MAGI2: variants seen among roughly 807,000 people sequenced by gnomAD.
MAGI2 encodes the protein membrane associated guanylate kinase, WW and PDZ domain containing 2, also known as membrane-associated guanylate kinase, WW and PDZ domain-containing protein 2.
A neutral mutation model predicts 133.3 loss-of-function variants in MAGI2; 35 were observed. The observed-to-expected ratio is 0.26, with a 90% CI of 0.20 to 0.35. The LOEUF is 0.35. MAGI2 is among the 10% of genes least tolerant of loss of function. MAGI2 has a pLI of 1.00. For synonymous variants in MAGI2, 729 were observed against 710.6 expected, an observed-to-expected ratio of 1.03 and a Z score of -0.41; for missense variants, 1,636 against 1,863.4, an observed-to-expected ratio of 0.88 and a Z score of 2.25.
intron 21 of MAGI2, among the ~76,000 whole-genome samples, chr7:78,031,525 G>A (rs1427029821): frequency 2.0e-5 from 3 of 152,272 alleles, no homozygotes; most frequent in African/African-American, 7.2e-5. Flanking sequence ...GGCTCAAGAT[G>A]AGCCTTAGCC....
chr7:78,896,767 C>T (rs1295895080), intron 2 of MAGI2, among the ~76,000 whole-genome samples: 3 of 151,852 alleles, frequency 2.0e-5, no homozygotes, highest in African/African-American at 7.3e-5. Context: ...AGGGGTTTCA[C>T]CTGCTTTATA....
At chr7:78,030,596 C>T (rs1382815809) in intron 21 of MAGI2, among the ~76,000 whole-genome samples, 2 of 152,014 alleles carry the variant, frequency 1.3e-5, no homozygotes, top group African/African-American at 2.4e-5. Context: ...AGATGATATG[C>T]GGATGGACAA....
At chr7:78,155,589 T>G (rs550851877) in intron 16 of MAGI2, among the ~76,000 whole-genome samples, 1 of 152,174 alleles carries the variant, frequency 6.6e-6, no homozygotes, top group South Asian at 2.1e-4. Context: ...ACCACTGCAC[T>G]CCAGCCTGGG....
In MAGI2 at chr7:78,557,986, T is replaced by A. The variant is rs76428102; in HGVS notation, c.539-36341A>T. Among the ~76,000 whole-genome samples, 226 of 119,040 alleles carry A rather than the reference T, an allele frequency of 1.9e-3. 1 individual carries two copies. The highest frequency in any genetic ancestry group is 7.1e-3 in the African/African-American group (205 of 28,988). 78.1% of individuals were successfully genotyped at this position (119,040 alleles called of 152,430 possible). On this transcript the variant is annotated intron_variant, in intron 3 of 21. Transcript: ENST00000354212. Reference sequence around the variant, plus strand: ...ACTTTATTGGAACTCTTTTTTTTTTTTAAAAAATAGTTGATTGTGTATGTG... The same window carrying A: ...ACTTTATTGGAACTCTTTTTTTTTTATAAAAAATAGTTGATTGTGTATGTG...
chr7:79,323,199 A>T (rs1163615499), intron 1 of MAGI2, among the ~76,000 whole-genome samples: 1 of 152,116 alleles, frequency 6.6e-6, no homozygotes, highest in East Asian at 1.9e-4. Context: ...CCTACTGTAT[A>T]CCAAGTATTG....
chr7:79,299,666 C>T (rs949756898), intron 1 of MAGI2, among the ~76,000 whole-genome samples: 8 of 150,242 alleles, frequency 5.3e-5, no homozygotes, highest in Non-Finnish European at 7.4e-5. Context: ...CAAAAAGATT[C>T]ACTAAAAAAA....
chr7:79,214,591 G>A (rs1032540665), intron 1 of MAGI2, among the ~76,000 whole-genome samples: 2 of 140,670 alleles, frequency 1.4e-5, no homozygotes, highest in South Asian at 2.2e-4. Flanking sequence ...GAGACAGAGA[G>A]AGAGTGCAAA....
At chr7:79,231,352 G>T (rs1831358502) in intron 1 of MAGI2, among the ~76,000 whole-genome samples, 1 of 66,414 alleles carries the variant, frequency 1.5e-5, no homozygotes, top group Non-Finnish European at 3.8e-5. Flanking sequence ...AGCTTGATGG[G>T]GATGGCATTG....
intron 1 of MAGI2, among the ~76,000 whole-genome samples, chr7:79,252,767 A>T (rs1457046610): frequency 2.0e-5 from 3 of 152,174 alleles, no homozygotes; most frequent in African/African-American, 4.8e-5. Flanking sequence ...AAATTAAAAA[A>T]ATATTATTTT....
chr7:79,446,744 A>G (rs1848878842), intron 1 of MAGI2, among the ~76,000 whole-genome samples: 1 of 152,140 alleles, frequency 6.6e-6, no homozygotes, highest in African/African-American at 2.4e-5. Flanking sequence ...AGGTCAGGAG[A>G]TCAAGACCAT....
At chr7:78,524,373 T>TA (rs1216863533) in intron 3 of MAGI2, among the ~76,000 whole-genome samples, 8 of 146,888 alleles carry the variant, frequency 5.4e-5, no homozygotes, top group Admixed American at 1.3e-4. Context: ...AGAGCTTTAT[T>TA]AAAAAAAACT....
chr7:79,017,879 G>C (rs1319864695), intron 1 of MAGI2, among the ~76,000 whole-genome samples: 2 of 151,868 alleles, frequency 1.3e-5, no homozygotes, highest in African/African-American at 4.8e-5. Flanking sequence ...CAAAGAAAAA[G>C]GAAAATAAAA....
intron 10 of MAGI2, among the ~76,000 whole-genome samples, chr7:78,241,803 G>A (rs1436173510): frequency 6.6e-6 from 1 of 151,798 alleles, no homozygotes; most frequent in Non-Finnish European, 1.5e-5. Context: ...GTGTGGTGGT[G>A]TGCACCTGTA....
intron 6 of MAGI2, among the ~76,000 whole-genome samples, chr7:78,480,652 G>C (rs75594936): frequency 0.043 from 6,520 of 151,922 alleles, 468 homozygotes; most frequent in East Asian, 0.36. Context: ...TATATCAGTT[G>C]AAAATAGTCT....
At chr7:79,136,032 A>AGAAAGAAG (rs1562928977) in intron 1 of MAGI2, among the ~76,000 whole-genome samples, 10 of 136,198 alleles carry the variant, frequency 7.3e-5, no homozygotes, top group Admixed American at 2.3e-4. Context: ...AAAGAAGGAA[A>AGAAAGAAG]GAAAGAAAGA....
chr7:78,594,299 T>C (rs747029358), intron 3 of MAGI2, among the ~76,000 whole-genome samples: 2 of 152,230 alleles, frequency 1.3e-5, no homozygotes, highest in Non-Finnish European at 2.9e-5. Flanking sequence ...CACAGGCCTC[T>C]GTAACAACTA....
chr7:78,382,730 C>A (rs1249203641), intron 6 of MAGI2, among the ~76,000 whole-genome samples: 1 of 151,988 alleles, frequency 6.6e-6, no homozygotes, highest in East Asian at 1.9e-4. Context: ...CTTTTGCACC[C>A]TTTAACCCAC....
At chr7:78,147,688 G>A (rs1486753522) in intron 16 of MAGI2, among the ~76,000 whole-genome samples, 1 of 151,992 alleles carries the variant, frequency 6.6e-6, no homozygotes, top group Non-Finnish European at 1.5e-5. Context: ...ATGGAAAAAA[G>A]CACACTAACG....
chr7:78,279,556 G>T (rs1314040622), intron 9 of MAGI2, among the ~76,000 whole-genome samples: 2 of 152,158 alleles, frequency 1.3e-5, no homozygotes, highest in African/African-American at 4.8e-5. Flanking sequence ...GGGCATCTTA[G>T]CTGCAGCTAG....
Sources: gnomAD v4.1 joint callset for allele counts (sites outside exome capture counted in the v4.1 genomes callset) on GRCh38, gnomAD v4.1.1 for gene constraint, MANE v1.5 for transcripts, NCBI Gene and HGNC (gene_info 2026-07-23, HGNC 2026-07-21) for gene names.